Variants in ERI3 observed in about 807,000 individuals in gnomAD.
ERI3 encodes ERI1 exoribonuclease family member 3.
Under a neutral mutation model 44.4 loss-of-function variants are expected in ERI3, and 18 were observed. The ratio of observed to expected loss-of-function variants is 0.41; its 90% CI spans 0.28 to 0.60. The LOEUF (loss-of-function observed/expected upper bound fraction) is 0.60, where lower values mean the gene tolerates loss of function less well. Ranked by LOEUF, ERI3 falls within the 20% of genes least tolerant of loss-of-function variation. The pLI is 0.36. For missense variants in ERI3, 294 were observed against 435.5 expected, an observed-to-expected ratio of 0.68 and a Z score of 2.89; for synonymous variants, 183 against 164.8, an observed-to-expected ratio of 1.11 and a Z score of -0.84.
chr1:44,310,952 C>CGCGA (rs1553195183), intron 5 of ERI3, among the ~76,000 whole-genome samples: 3 of 38,836 alleles, frequency 7.7e-5, no homozygotes, highest in African/African-American at 3.0e-4. Flanking sequence ...ATGTGCACAT[C>CGCGA]GCGCGCGCGC....
intron 7 of ERI3, among the ~76,000 whole-genome samples, chr1:44,257,948 T>G (rs1442699025): frequency 6.6e-6 from 1 of 152,124 alleles, no homozygotes. Context: ...GTTCTTATGT[T>G]CTCCCACCCA....
At chr1:44,351,160 A>G (rs1331370060) in intron 2 of ERI3, among the ~76,000 whole-genome samples, 1 of 151,944 alleles carries the variant, frequency 6.6e-6, no homozygotes, top group Non-Finnish European at 1.5e-5. Context: ...CAGCCTCCCA[A>G]GTAGCTGGGA....
At chr1:44,338,176 T>C (rs1409762465) in intron 3 of ERI3, among the ~76,000 whole-genome samples, 1 of 152,256 alleles carries the variant, frequency 6.6e-6, no homozygotes, top group Non-Finnish European at 1.5e-5. Context: ...ACAATGGTAC[T>C]TGCTCAGGTT....
intron 7 of ERI3, chr1:44,284,103 C>T (rs541856587): frequency 4.3e-6 from 2 of 470,138 alleles, no homozygotes; most frequent in South Asian, 3.1e-5. Flanking sequence ...GGTGAGTCTC[C>T]CTAGTGGACT....
At chr1:44,294,195 A>G (rs926882082) in intron 6 of ERI3, among the ~76,000 whole-genome samples, 5 of 152,100 alleles carry the variant, frequency 3.3e-5, no homozygotes, top group African/African-American at 1.2e-4. Flanking sequence ...CAGACATGCT[A>G]CTCTGGAGAG....
chr1:44,246,405 T>C (rs1644555478), intron 8 of ERI3, among the ~76,000 whole-genome samples: 1 of 152,240 alleles, frequency 6.6e-6, no homozygotes, highest in Non-Finnish European at 1.5e-5. Context: ...ATTACACTGC[T>C]GGGTTTGGCG....
rs559260107 is a variant in ERI3, at chr1:44,317,872, T to C, written c.606+1756A>G. Among the ~76,000 whole-genome samples the C allele has an allele frequency of 9.2e-5, 14 of 152,162 alleles. No individual in the cohort carries two copies. In the East Asian group the frequency reaches 1.2e-3, roughly 13 times the overall value. ...AGGTGGGAGATGAAGCAGAGAGATA[T>C]GAGGCTGGCCAAAAAAGGATGGACA... On this transcript the variant is annotated intron_variant, in intron 4 of 8. Coordinates refer to ENST00000372257, the MANE Select transcript of ERI3 (RefSeq NM_024066.3).
chr1:44,266,307 C>T (rs972495736), intron 7 of ERI3, among the ~76,000 whole-genome samples: 3 of 152,136 alleles, frequency 2.0e-5, no homozygotes, highest in African/African-American at 7.2e-5. Context: ...GACTTCCTAG[C>T]CAAATGGAAT....
intron 7 of ERI3, among the ~76,000 whole-genome samples, chr1:44,249,927 C>T (rs1340620258): frequency 6.6e-6 from 1 of 152,150 alleles, no homozygotes; most frequent in Non-Finnish European, 1.5e-5. Flanking sequence ...TCTACTCTAT[C>T]AGCCTGGAGA....
At chr1:44,256,000 T>G (rs1215615031) in intron 7 of ERI3, among the ~76,000 whole-genome samples, 2 of 152,056 alleles carry the variant, frequency 1.3e-5, no homozygotes, top group Non-Finnish European at 2.9e-5. Context: ...CTCCTTTAAA[T>G]CCCCCATACT....
chr1:44,313,074 A>G, intron 5 of ERI3, 95 bp downstream of exon 5: 2 of 1,048,790 alleles, frequency 1.9e-6, no homozygotes, highest in South Asian at 1.3e-5. Flanking sequence ...AGCCATAATC[A>G]TAGTCAAATT....
chr1:44,268,984 AC>A (rs1645040527), intron 7 of ERI3, among the ~76,000 whole-genome samples: 1 of 152,056 alleles, frequency 6.6e-6, no homozygotes, highest in Admixed American at 6.6e-5. Context: ...CCTCCACAAT[AC>A]CTGAGTCCCT....
chr1:44,280,416 C>G (rs1645262263), intron 7 of ERI3, among the ~76,000 whole-genome samples: 1 of 152,218 alleles, frequency 6.6e-6, no homozygotes, highest in Non-Finnish European at 1.5e-5. Flanking sequence ...TAATTACCAT[C>G]TTTCACCTGG....
chr1:44,274,719 T>G (rs1262542115), intron 7 of ERI3, among the ~76,000 whole-genome samples: 1 of 152,130 alleles, frequency 6.6e-6, no homozygotes, highest in Non-Finnish European at 1.5e-5. Context: ...GGTTCTTGTT[T>G]CAGCTTACAA....
chr1:44,299,640 C>T (rs1645682911), intron 6 of ERI3, among the ~76,000 whole-genome samples: 1 of 152,174 alleles, frequency 6.6e-6, no homozygotes, highest in African/African-American at 2.4e-5. Context: ...CCAGCCTTCA[C>T]TCTCTATCTG....
intron 3 of ERI3, among the ~76,000 whole-genome samples, chr1:44,335,690 G>A (rs1190707545): frequency 2.0e-5 from 3 of 149,696 alleles, no homozygotes; most frequent in Non-Finnish European, 4.5e-5. Flanking sequence ...GGCAGAGGTT[G>A]CGGTGAGCCG....
intron 6 of ERI3, among the ~76,000 whole-genome samples, chr1:44,305,764 G>A (rs1276342854): frequency 6.6e-6 from 1 of 152,182 alleles, no homozygotes; most frequent in Non-Finnish European, 1.5e-5. Flanking sequence ...AAGGGGAGGA[G>A]GAGGTAAGGA....
intron 8 of ERI3, among the ~76,000 whole-genome samples, chr1:44,246,019 C>T (rs1042162381): frequency 6.6e-6 from 1 of 152,216 alleles, no homozygotes; most frequent in Admixed American, 6.5e-5. Context: ...TTGTGCAACA[C>T]AAACTGCCTC....
intron 8 of ERI3, among the ~76,000 whole-genome samples, chr1:44,240,339 T>C (rs1186530142): frequency 6.6e-6 from 1 of 152,220 alleles, no homozygotes; most frequent in Non-Finnish European, 1.5e-5. Context: ...AGTAGGAGGT[T>C]TGAGTCAGGG....
Sources: allele counts gnomAD v4.1 joint callset (sites outside exome capture counted in the v4.1 genomes callset), GRCh38; gene constraint gnomAD v4.1.1; transcripts MANE v1.5; gene names NCBI Gene and HGNC (gene_info 2026-07-23, HGNC 2026-07-21).